ZXDC: variants seen among roughly 807,000 people sequenced by gnomAD.
ZXDC encodes the protein zinc finger protein ZXDC.
Under a neutral mutation model 63.6 loss-of-function variants are expected in ZXDC, and 58 were observed. That is an observed-to-expected ratio of 0.91 (90% confidence interval 0.74 to 1.13). The LOEUF (loss-of-function observed/expected upper bound fraction) is 1.13, where lower values mean the gene tolerates loss of function less well. Among genes scored for constraint, ZXDC ranks in the 50% most tolerant of loss-of-function variants. The pLI, the probability that ZXDC is intolerant of heterozygous loss-of-function variation, is 0.00. For synonymous variants in ZXDC, 561 were observed against 496.1 expected, an observed-to-expected ratio of 1.13 and a Z score of -1.74; for missense variants, 1,133 against 1,148.9, an observed-to-expected ratio of 0.99 and a Z score of 0.20.
At position 126,472,310 on chromosome 3, in the gene ZXDC, A is replaced by G; in HGVS notation, c.908-5T>C. ...TGATAAATGTCTTCTCACAGCCTGA[A>G]CAAGGAAAACACAAACCCTGCTCAA... On this transcript the variant is annotated splice_region_variant and splice_polypyrimidine_tract_variant and intron_variant, in intron 1 of 9. Transcript: ENST00000389709. 6.2e-7 allele frequency: 1 copy of G among 1,602,662 alleles called. No homozygotes were observed. The highest frequency in any genetic ancestry group is 8.5e-7 in the Non-Finnish European group (1 of 1,170,594).
rs570507098 is a variant in ZXDC, at chr3:126,441,887, G to A, written c.2272C>T (p.His758Tyr). The A allele has an allele frequency of 2.5e-6, 4 of 1,613,516 alleles. No homozygotes were observed. The highest frequency in any genetic ancestry group is 3.4e-6 in the Non-Finnish European group (4 of 1,179,726). Residue 758 changes from histidine to tyrosine, a missense_variant, in exon 8 of 10, where the codon CAT (histidine) becomes TAT (tyrosine). His to Tyr is a moderately conservative substitution (Grantham distance 83, BLOSUM62 2). Transcript: ENST00000389709. The stretch of plus-strand genomic sequence containing the variant: ...CACAACCAACTGTTCTGGCTTGCAT[G>A]GAAATGGGGAGGACTCATTTTGCCT... ...KEGKMSPPHFHASQNSWLCGS... is the reference protein window; with the variant it reads ...KEGKMSPPHFYASQNSWLCGS...
At position 126,462,701 on chromosome 3, in the gene ZXDC, C is replaced by T. The variant is rs555077955; in HGVS notation, c.1442-481G>A. Among the ~76,000 whole-genome samples, 12 of 152,248 alleles carry T rather than the reference C, an allele frequency of 7.9e-5. No individual in the cohort carries two copies. In the South Asian group the frequency reaches 1.9e-3, roughly 24 times the overall value. On this transcript the variant is annotated intron_variant, in intron 5 of 9. Coordinates refer to ENST00000389709, the MANE Select transcript of ZXDC (RefSeq NM_025112.5). ...TGGCCTGTGCTCTGAGGATATTTTC[C>T]GAATCAGCTTGTCAGCTCATGTTTG...
At position 126,475,759 on chromosome 3, in the gene ZXDC, G is replaced by A. The variant is rs1365546111; in HGVS notation, c.107C>T (p.Ala36Val). 3 of 1,151,688 alleles carry A rather than the reference G, an allele frequency of 2.6e-6. No homozygotes were observed. The highest frequency in any genetic ancestry group is 4.8e-5 in the Admixed American group (1 of 20,756). 71.3% of individuals were successfully genotyped at this position (1,151,688 alleles called of 1,614,324 possible). The change falls in exon 1 of 10, where the codon GCG (alanine) becomes GTG (valine). Residue 36 changes from alanine (A) to valine (V), a missense_variant. Transcript: ENST00000389709. ...CCGCACCAGTAGCAGGCGGCGGCGC[G>A]CGGGGCTCGCGCCGAGCGGCGCTGG... ...RAPAPLGASPARRRLLLVRGP... is the reference protein window; with the variant it reads ...RAPAPLGASPVRRRLLLVRGP...
Position 126,438,332 on chromosome 3 carries a change from G to T in ZXDC, c.*43C>A. ...ATGTCATGAGTCTCAGGGAAGGTGT[G>T]TCCTAGACCGTGGCCTTGGGCCTGC... is the stretch of plus-strand genomic sequence containing the variant. On this transcript the variant is annotated 3_prime_UTR_variant, in exon 10 of 10. Coordinates refer to ENST00000389709, the MANE Select transcript of ZXDC (RefSeq NM_025112.5). 1 of 1,544,172 alleles carries T rather than the reference G, an allele frequency of 6.5e-7. No homozygotes were observed. Among genetic ancestry groups the T allele is most frequent in the Non-Finnish European group, 8.9e-7 (1 of 1,128,698 alleles).
At chr3:126,450,918 C>T (rs753298114) in intron 7 of ZXDC, among the ~76,000 whole-genome samples, 21 of 152,198 alleles carry the variant, frequency 1.4e-4, no homozygotes, top group Admixed American at 2.6e-4. Flanking sequence ...CAGGGCGACA[C>T]CAGGCTCAGG....
At chr3:126,455,532 C>G (rs537004557) in intron 7 of ZXDC, among the ~76,000 whole-genome samples, 31 of 152,180 alleles carry the variant, frequency 2.0e-4, no homozygotes, top group African/African-American at 6.5e-4. Context: ...AATACAAGAG[C>G]CTGGTGGTGC....
chr3:126,471,514 C>T (rs771448718), intron 3 of ZXDC, among the ~76,000 whole-genome samples: 5 of 152,110 alleles, frequency 3.3e-5, no homozygotes, highest in African/African-American at 4.8e-5. Context: ...TACAGAAAAA[C>T]CACTGAATCT....
At chr3:126,453,954 T>C (rs912752271) in intron 7 of ZXDC, 5 of 979,690 alleles carry the variant, frequency 5.1e-6, no homozygotes, top group Admixed American at 6.2e-5. Flanking sequence ...TCAGAAAACA[T>C]AGTACTGCCT....
chr3:126,456,934 G>C (rs1469760962), intron 7 of ZXDC, among the ~76,000 whole-genome samples: 2 of 152,178 alleles, frequency 1.3e-5, no homozygotes, highest in Admixed American at 6.5e-5. Flanking sequence ...AGGATGTGTG[G>C]GGAGGGCACC....
At chr3:126,446,934 A>G (rs1477286690) in intron 7 of ZXDC, among the ~76,000 whole-genome samples, 2 of 152,302 alleles carry the variant, frequency 1.3e-5, no homozygotes, top group East Asian at 1.9e-4. Context: ...ACAGGGGAGA[A>G]AGCATAAGGA....
At chr3:126,458,936 TAAG>T in intron 7 of ZXDC, 1 of 982,754 alleles carries the variant, frequency 1.0e-6, no homozygotes, top group Non-Finnish European at 1.2e-6. Context: ...TTATTTTAAA[TAAG>T]AAGTCATAAT....
intron 5 of ZXDC, among the ~76,000 whole-genome samples, chr3:126,464,497 T>C (rs1176395465): frequency 6.6e-6 from 1 of 152,212 alleles, no homozygotes; most frequent in Admixed American, 6.5e-5. Context: ...CACCTGGTCT[T>C]CTACCCCTGA....
At chr3:126,444,599 A>G (rs1025179238) in intron 7 of ZXDC, among the ~76,000 whole-genome samples, 4 of 152,160 alleles carry the variant, frequency 2.6e-5, no homozygotes, top group African/African-American at 9.7e-5. Flanking sequence ...TGAATAGTGT[A>G]TCTCTCCAGA....
At chr3:126,448,710 A>G (rs1933975630) in intron 7 of ZXDC, among the ~76,000 whole-genome samples, 1 of 152,216 alleles carries the variant, frequency 6.6e-6, no homozygotes, top group Non-Finnish European at 1.5e-5. Context: ...GTATAGCAGA[A>G]CTACAGCAGG....
At chr3:126,450,239 A>C (rs1576668148) in intron 7 of ZXDC, 2 of 426,218 alleles carry the variant, frequency 4.7e-6, no homozygotes. Flanking sequence ...CCAGGGCTCC[A>C]ACCTTGGATG....
rs1330861388 is a variant in ZXDC at position 126,470,935 on chromosome 3, T to C, written c.1230A>G (p.Ile410Met). ...TRAEHLKGHS[I>M]THLGTKPFEC... is the part of the protein sequence containing the mutation. The stretch of plus-strand genomic sequence containing the variant: ...CGAACGGCTTTGTGCCTAGGTGGGT[T>C]ATGCTGTGGCCTTTCAGATGCTCTG... Residue 410 changes from isoleucine (I) to methionine (M), a missense_variant, in exon 4 of 10, where the codon ATA becomes ATG. Physicochemically the swap from Ile to Met is conservative, Grantham distance 10 (BLOSUM62 1). Transcript: ENST00000389709. 1.9e-6 allele frequency: 3 copies of C among 1,614,244 alleles called. No homozygotes were observed. Among genetic ancestry groups the C allele is most frequent in the South Asian group, 2.2e-5 (2 of 91,082 alleles).
Position 126,475,674 on chromosome 3 carries a change from C to T in ZXDC, c.192G>A (p.Pro64=). The change falls in exon 1 of 10, where the codon CCG becomes CCA. Residue 64 remains proline (P), a synonymous_variant. Transcript: ENST00000389709. ...CGCCGTCGCTGTCGTCCTCGGCGGG[C>T]GGCGGGCTTGGCCCGGAGGCCTCCC... ...RPGEASGPSP[P]PAEDDSDGDS... The T allele has an allele frequency of 1.4e-6, 2 of 1,407,532 alleles. No individual in the cohort carries two copies. Among genetic ancestry groups the T allele is most frequent in the Admixed American group, 2.5e-5 (1 of 39,998 alleles). The allele number at this position is 1,407,532 out of a possible 1,614,324, so 87.2% of individuals were successfully genotyped here. A position where few individuals can be genotyped will look rare whatever the true frequency, so the allele number is the denominator to read the frequency against.
Position 126,472,067 on chromosome 3 carries a change from A to G in ZXDC, c.1061-16T>C, listed in dbSNP as rs1250751162. 13 of 1,610,142 alleles carry G rather than the reference A, an allele frequency of 8.1e-6. No individual in the cohort carries two copies. The highest frequency in any genetic ancestry group is 1.6e-4 in the Middle Eastern group (1 of 6,068). On this transcript the variant is annotated splice_polypyrimidine_tract_variant and intron_variant, in intron 2 of 9. Transcript: ENST00000389709. ...GGTCTTTCACCTTATAAAAGAAAAAATTATACAGCATAAAATTTACAACTC... is the reference window on the plus strand; with the variant it reads ...GGTCTTTCACCTTATAAAAGAAAAAGTTATACAGCATAAAATTTACAACTC...
intron 4 of ZXDC, among the ~76,000 whole-genome samples, chr3:126,470,088 AGTCACGCACAG>A (rs950982488): frequency 6.6e-6 from 1 of 152,222 alleles, no homozygotes; most frequent in African/African-American, 2.4e-5. Flanking sequence ...AGCACGCACA[AGTCACGCACAG>A]GTCACGCAGC....
Sources: gnomAD v4.1 joint callset for allele counts (sites outside exome capture counted in the v4.1 genomes callset) on GRCh38, gnomAD v4.1.1 for gene constraint, MANE v1.5 for transcripts, NCBI Gene and HGNC (gene_info 2026-07-23, HGNC 2026-07-21) for gene names.